The following GK5 variants were observed in gnomAD, a reference collection of about 807,000 sequenced individuals.
GK5 encodes glycerol kinase 5, also known as ATP:glycerol 3-phosphotransferase 5.
Under a neutral mutation model 77.3 loss-of-function variants are expected in GK5, and 39 were observed. That is an observed-to-expected ratio of 0.50 (90% CI 0.39 to 0.66). The LOEUF (loss-of-function observed/expected upper bound fraction) is 0.66. Ranked by LOEUF, GK5 falls within the 30% of genes least tolerant of loss-of-function variation. The pLI is 0.00. For missense variants in GK5, 487 were observed against 633.8 expected (o/e 0.77, Z 2.49); for synonymous variants, 211 against 208.0 (o/e 1.01, Z -0.13).
Position 142,166,659 on chromosome 3 carries a change from G to A in GK5, c.1442-889C>T, listed in dbSNP as rs145384354. Among the ~76,000 whole-genome samples, 755 of 152,054 alleles carry A rather than the reference G, an allele frequency of 5.0e-3. 8 individuals are homozygous for A. Among genetic ancestry groups the A allele is most frequent in the African/African-American group, 0.017 (724 of 41,456 alleles). On this transcript the variant is annotated intron_variant, in intron 15 of 15. Coordinates refer to ENST00000392993, the MANE Select transcript of GK5 (RefSeq NM_001039547.3). ...AGCAATTATCCTGCCTGGGCCTCTCGAGTAGCTCGGACCATAGGCACGTGC... is the reference window on the plus strand; with the variant it reads ...AGCAATTATCCTGCCTGGGCCTCTCAAGTAGCTCGGACCATAGGCACGTGC...
At chr3:142,195,159 T>C (rs1218333596) in intron 5 of GK5, among the ~76,000 whole-genome samples, 3 of 152,052 alleles carry the variant, frequency 2.0e-5, no homozygotes, top group African/African-American at 7.2e-5. Flanking sequence ...ATTAATATGG[T>C]GTATATTAAT....
intron 12 of GK5, among the ~76,000 whole-genome samples, chr3:142,175,674 C>G (rs187015655): frequency 6.6e-6 from 1 of 152,100 alleles, no homozygotes; most frequent in African/African-American, 2.4e-5. Flanking sequence ...TACGGTCAAC[C>G]TACCACCTCT....
At chr3:142,216,419 AG>A (rs1450626586) in intron 1 of GK5, among the ~76,000 whole-genome samples, 23 of 152,102 alleles carry the variant, frequency 1.5e-4, no homozygotes, top group Non-Finnish European at 3.2e-4. Context: ...CAGTGGCAGC[AG>A]CAGTTAATAA....
At chr3:142,207,173 A>G (rs2064120672) in intron 3 of GK5, among the ~76,000 whole-genome samples, 1 of 152,190 alleles carries the variant, frequency 6.6e-6, no homozygotes, top group Non-Finnish European at 1.5e-5. Flanking sequence ...GCAGATGTTC[A>G]TAGCTCTGGG....
In GK5 at chr3:142,158,556, T is replaced by G. The variant is rs2063400211; in HGVS notation, c.*7066A>C. ...TTTTTTGTATAGATCTTAACAATGA[T>G]TTATGAGGTTCTCAATGACAATTTA... On this transcript the variant is annotated 3_prime_UTR_variant, in exon 16 of 16. Coordinates refer to ENST00000392993, the MANE Select transcript of GK5 (RefSeq NM_001039547.3). 6.6e-6 allele frequency: 1 copy of G among 152,572 alleles called. No individual in the cohort carries two copies. Among genetic ancestry groups the G allele is most frequent in the Non-Finnish European group, 1.5e-5 (1 of 68,034 alleles). The allele number at this position is 152,572 out of a possible 1,614,324, so 9.5% of individuals were successfully genotyped here.
At chr3:142,187,931 G>T in intron 5 of GK5, 152 bp from the exon 6 acceptor site, 1 of 613,118 alleles carries the variant, frequency 1.6e-6, no homozygotes, top group Non-Finnish European at 2.8e-6. Context: ...ATGGTTCTAA[G>T]TGATTATTAT....
rs1026707902 is a variant in GK5, at chr3:142,203,643, A to T, written c.411+1052T>A. Among the ~76,000 whole-genome samples the T allele has an allele frequency of 3.9e-5, 6 of 152,102 alleles. No individual in the cohort carries two copies. In the East Asian group the frequency reaches 1.2e-3, roughly 29 times the overall value. On this transcript the variant is annotated intron_variant, in intron 4 of 15. Transcript: ENST00000392993. The stretch of plus-strand genomic sequence containing the variant: ...GAAAAAATTAGCTGGGCGTGGTGGC[A>T]TATGCTTGTAGTCCCAGCTACTTGG...
At chr3:142,171,942 C>T (rs1439357609) in intron 13 of GK5, among the ~76,000 whole-genome samples, 1 of 152,070 alleles carries the variant, frequency 6.6e-6, no homozygotes, top group African/African-American at 2.4e-5. Context: ...TAACACCTGT[C>T]TCATAACAAA....
chr3:142,221,038 T>C (rs554195089), intron 1 of GK5, among the ~76,000 whole-genome samples: 1 of 152,186 alleles, frequency 6.6e-6, no homozygotes, highest in Non-Finnish European at 1.5e-5. Context: ...CAAGGCATGG[T>C]ACCAAAAAAA....
chr3:142,169,523 C>T (rs1287850007), intron 15 of GK5, among the ~76,000 whole-genome samples: 1 of 152,178 alleles, frequency 6.6e-6, no homozygotes, highest in Admixed American at 6.5e-5. Flanking sequence ...CACTGACTCT[C>T]ACTCTGCTCT....
intron 11 of GK5, among the ~76,000 whole-genome samples, chr3:142,180,668 C>T (rs2107773071): frequency 6.6e-6 from 1 of 152,150 alleles, no homozygotes. Context: ...CCCCCCTTTT[C>T]TCCTTCTCTC....
chr3:142,223,976 T>C (rs2107802735), intron 1 of GK5, among the ~76,000 whole-genome samples: 1 of 151,840 alleles, frequency 6.6e-6, no homozygotes, highest in African/African-American at 2.4e-5. Context: ...ACCTCTAAGG[T>C]GGTGGGAAGA....
chr3:142,213,447 T>C (rs1434597080), intron 3 of GK5, 79 bp downstream of exon 3: 8 of 875,912 alleles, frequency 9.1e-6, no homozygotes, highest in Non-Finnish European at 3.9e-6. Context: ...AAGTTAAAAC[T>C]CCCCAAAGAG....
intron 5 of GK5, among the ~76,000 whole-genome samples, chr3:142,191,596 G>C (rs2107782341): frequency 6.6e-6 from 1 of 152,020 alleles, no homozygotes; most frequent in Non-Finnish European, 1.5e-5. Context: ...CCAGTACTTT[G>C]GGAGGCCGAG....
At chr3:142,210,426 T>C (rs886830561) in intron 3 of GK5, among the ~76,000 whole-genome samples, 1 of 152,170 alleles carries the variant, frequency 6.6e-6, no homozygotes, top group African/African-American at 2.4e-5. Flanking sequence ...TCCCGGCTGT[T>C]TGCTAGGGCT....
intron 3 of GK5, among the ~76,000 whole-genome samples, chr3:142,213,281 C>A (rs1213501651): frequency 1.3e-5 from 2 of 151,720 alleles, no homozygotes; most frequent in African/African-American, 4.9e-5. Context: ...AGCTAACTTA[C>A]CCGAAAGAAA....
intron 12 of GK5, 136 bp from the exon 13 acceptor site, chr3:142,172,592 AT>A (rs2063553792): frequency 6.2e-6 from 3 of 486,040 alleles, no homozygotes; most frequent in Non-Finnish European, 7.4e-6. Context: ...AAAATAAAAG[AT>A]TATGGTAAAT....
In GK5 at chr3:142,197,596, C is replaced by T. The variant is rs1364238133; in HGVS notation, c.543+1206G>A. The stretch of plus-strand genomic sequence containing the variant: ...ATCACACTCAGATATTACTTACCAA[C>T]TAGGATGGCTAAAATATAGACTAAT... On this transcript the variant is annotated intron_variant, in intron 5 of 15. Coordinates refer to ENST00000392993, the MANE Select transcript of GK5 (RefSeq NM_001039547.3). Among the ~76,000 whole-genome samples the T allele has an allele frequency of 1.3e-5, 2 of 152,260 alleles. 1 individual carries two copies. Among genetic ancestry groups the T allele is most frequent in the East Asian group, 3.9e-4 (2 of 5,192 alleles).
At chr3:142,177,422 T>C (rs919957964) in intron 12 of GK5, 60 bp downstream of exon 12, 8 of 914,592 alleles carry the variant, frequency 8.7e-6, no homozygotes, top group Middle Eastern at 5.4e-4. Flanking sequence ...ATATATAAGT[T>C]TGGATGTGGC....
Sources: gnomAD v4.1 joint callset for allele counts (sites outside exome capture counted in the v4.1 genomes callset) on GRCh38, gnomAD v4.1.1 for gene constraint, MANE v1.5 for transcripts, NCBI Gene and HGNC (gene_info 2026-07-23, HGNC 2026-07-21) for gene names.